CRPPA: variants seen among roughly 807,000 people sequenced by gnomAD.
The protein encoded by CRPPA is CDP-L-ribitol pyrophosphorylase A, also known as D-ribitol-5-phosphate cytidylyltransferase.
A neutral mutation model predicts 52.0 loss-of-function variants in CRPPA; 43 were observed. The ratio of observed to expected loss-of-function variants is 0.83; its 90% confidence interval spans 0.65 to 1.07. The LOEUF (loss-of-function observed/expected upper bound fraction) is 1.07. CRPPA is among the 50% of genes least tolerant of loss of function. The pLI, the probability that CRPPA is intolerant of heterozygous loss-of-function variation, is 0.00. For missense variants in CRPPA, 629 were observed against 551.7 expected (o/e 1.14, Z -1.40); for synonymous variants, 250 against 203.5 (o/e 1.23, Z -1.94).
At chr7:16,413,181 C>T (rs1425619045) in intron 1 of CRPPA, among the ~76,000 whole-genome samples, 2 of 152,180 alleles carry the variant, frequency 1.3e-5, no homozygotes, top group African/African-American at 4.8e-5. Context: ...GACGTTTTAG[C>T]AGCAAAATAT....
chr7:16,123,436 T>G (rs1782515763), intron 9 of CRPPA, among the ~76,000 whole-genome samples: 1 of 152,114 alleles, frequency 6.6e-6, no homozygotes, highest in Admixed American at 6.5e-5. Context: ...ATTTGTCATG[T>G]CAGGAAACAA....
intron 9 of CRPPA, among the ~76,000 whole-genome samples, chr7:16,116,732 C>T (rs1460265586): frequency 3.4e-5 from 5 of 145,606 alleles, no homozygotes; most frequent in Admixed American, 7.0e-5. Context: ...AACAAACAAA[C>T]ATTCCAGAAT....
chr7:16,376,170 C>T lies in CRPPA; in HGVS notation c.606G>A (p.Ser202=), dbSNP rs374488567. 5.6e-6 allele frequency: 9 copies of T among 1,612,996 alleles called. No individual in the cohort carries two copies. The highest frequency in any genetic ancestry group is 2.2e-5 in the East Asian group (1 of 44,856). The change falls in exon 3 of 10, where the codon TCG becomes TCA. Residue 202 remains serine, a synonymous_variant. Transcript: ENST00000407010. ...SPSADGCLDY[S]LERARHRASE... is the part of the protein sequence containing the mutation. ...TTGCTCTGTGTCTGGCACGTTCTAG[C>T]GAGTAGTCTAAGCAACCATCAGCAG...
intron 4 of CRPPA, among the ~76,000 whole-genome samples, chr7:16,305,504 G>C (rs528613869): frequency 2.6e-5 from 4 of 152,070 alleles, no homozygotes; most frequent in Non-Finnish European, 5.9e-5. Context: ...TGGGGGGATC[G>C]CCCTTTCAGC....
chr7:16,388,922 AT>A (rs777008849), intron 2 of CRPPA, among the ~76,000 whole-genome samples: 4 of 152,208 alleles, frequency 2.6e-5, no homozygotes, highest in Non-Finnish European at 5.9e-5. Flanking sequence ...AAAAAGGCAA[AT>A]TAATAAAATC....
intron 3 of CRPPA, among the ~76,000 whole-genome samples, chr7:16,352,832 T>C (rs78435611): frequency 0.035 from 5,232 of 151,352 alleles, 128 homozygotes; most frequent in Admixed American, 0.05. Flanking sequence ...AGCCAAGATA[T>C]GGAAACAACT....
At chr7:16,405,480 C>A (rs1787929962) in intron 2 of CRPPA, among the ~76,000 whole-genome samples, 1 of 151,814 alleles carries the variant, frequency 6.6e-6, no homozygotes, top group Admixed American at 6.6e-5. Context: ...ATTTAGACTG[C>A]AAAAAAGTTT....
chr7:16,399,343 CACATGACTG>C (rs1461503924), intron 2 of CRPPA, among the ~76,000 whole-genome samples: 1 of 152,082 alleles, frequency 6.6e-6, no homozygotes, highest in Non-Finnish European at 1.5e-5. Flanking sequence ...GTGTGATTGA[CACATGACTG>C]ACATGATTGA....
intron 6 of CRPPA, chr7:16,266,387 C>T (rs189215088): frequency 6.6e-6 from 1 of 152,202 alleles, no homozygotes; most frequent in Non-Finnish European, 1.5e-5. Context: ...TAATGCAACA[C>T]TACAAGGACC....
chr7:16,284,995 A>G (rs1220662239), intron 5 of CRPPA, among the ~76,000 whole-genome samples: 1 of 152,236 alleles, frequency 6.6e-6, no homozygotes, highest in Non-Finnish European at 1.5e-5. Context: ...GAAAAGGCAC[A>G]CAAAATATTT....
At chr7:16,170,171 T>C (rs1346737664) in intron 9 of CRPPA, among the ~76,000 whole-genome samples, 1 of 152,164 alleles carries the variant, frequency 6.6e-6, no homozygotes, top group African/African-American at 2.4e-5. Flanking sequence ...CTGTCATAGC[T>C]CCTTAACAGT....
intron 9 of CRPPA, among the ~76,000 whole-genome samples, chr7:16,122,675 A>C (rs1000525510): frequency 3.9e-5 from 6 of 152,108 alleles, no homozygotes; most frequent in South Asian, 2.1e-4. Context: ...GTAAAAACAT[A>C]AACTCATCTA....
intron 8 of CRPPA, among the ~76,000 whole-genome samples, chr7:16,222,444 TTAAAAAAAAAAA>T (rs1214852659): frequency 1.4e-5 from 2 of 147,026 alleles, no homozygotes; most frequent in African/African-American, 2.6e-5. Flanking sequence ...TAAAGTATAA[TTAAAAAAAAAAA>T]AGAAAAAAAG....
In CRPPA at chr7:16,317,258, A is replaced by G. The variant is rs76190922; in HGVS notation, c.685-8631T>C. On this transcript the variant is annotated intron_variant, in intron 3 of 9. Transcript: ENST00000407010. ...CCTCTCAGCTTCTTCCACATTGGGGAATGGAAGATAAAAGTTATTATAAAA... is the reference window on the plus strand; with the variant it reads ...CCTCTCAGCTTCTTCCACATTGGGGGATGGAAGATAAAAGTTATTATAAAA... Among the ~76,000 whole-genome samples, 822 of 152,268 alleles carry G rather than the reference A, an allele frequency of 5.4e-3. 9 individuals are homozygous for G. Among genetic ancestry groups the G allele is most frequent in the African/African-American group, 0.018 (758 of 41,560 alleles).
At chr7:16,245,324 T>A (rs999697901) in intron 8 of CRPPA, among the ~76,000 whole-genome samples, 2 of 152,236 alleles carry the variant, frequency 1.3e-5, no homozygotes, top group Non-Finnish European at 2.9e-5. Context: ...TATCATATTT[T>A]CCATACATCT....
intron 9 of CRPPA, among the ~76,000 whole-genome samples, chr7:16,107,475 C>A (rs1583360396): frequency 6.6e-6 from 1 of 151,628 alleles, no homozygotes; most frequent in African/African-American, 2.4e-5. Flanking sequence ...TATTCAAAGT[C>A]TTAAATAAAA....
intron 2 of CRPPA, among the ~76,000 whole-genome samples, chr7:16,385,432 A>C (rs1369074524): frequency 6.6e-6 from 1 of 152,242 alleles, no homozygotes; most frequent in African/African-American, 2.4e-5. Context: ...GCAAGAGAAC[A>C]TCAATATTAA....
At chr7:16,114,964 A>G (rs975108297) in intron 9 of CRPPA, among the ~76,000 whole-genome samples, 1 of 152,148 alleles carries the variant, frequency 6.6e-6, no homozygotes, top group African/African-American at 2.4e-5. Context: ...TCTCCAAAAA[A>G]TAATGAGGCA....
chr7:16,383,513 C>T (rs574941175), intron 2 of CRPPA, among the ~76,000 whole-genome samples: 1 of 152,328 alleles, frequency 6.6e-6, no homozygotes, highest in East Asian at 1.9e-4. Flanking sequence ...AGAACCACTG[C>T]TCTCTTCAAA....
Sources: gnomAD v4.1 joint callset for allele counts (sites outside exome capture counted in the v4.1 genomes callset) on GRCh38, gnomAD v4.1.1 for gene constraint, MANE v1.5 for transcripts, NCBI Gene and HGNC (gene_info 2026-07-23, HGNC 2026-07-21) for gene names.